Variants in ATP6AP2 observed in about 807,000 individuals in gnomAD.
ATP6AP2 encodes renin receptor.
ATP6AP2 carries 1 observed loss-of-function variant against 23.4 expected under a neutral mutation model. The observed-to-expected ratio is 0.04, with a 90% CI of 0.02 to 0.20. The LOEUF (loss-of-function observed/expected upper bound fraction) is 0.20, where lower values mean the gene tolerates loss of function less well. Among genes scored for constraint, ATP6AP2 ranks in the 10% least tolerant of loss-of-function variants. ATP6AP2 has a pLI of 1.00. For synonymous variants in ATP6AP2, 90 were observed against 97.1 expected, an observed-to-expected ratio of 0.93 and a Z score of 0.43; for missense variants, 174 against 271.3, an observed-to-expected ratio of 0.64 and a Z score of 2.52.
chrX:40,591,021 A>G (rs1362144735), intron 2 of ATP6AP2: 1 of 414,028 alleles, frequency 2.4e-6, no homozygotes, highest in African/African-American at 2.5e-5. Flanking sequence ...TTTATTTCAA[A>G]TCTGTAAAAT....
Position 40,581,154 on chromosome X carries a change from G to A in ATP6AP2, c.37+52G>A, listed in dbSNP as rs754617742. 18 of 1,075,233 alleles carry A rather than the reference G, an allele frequency of 1.7e-5. 1 individual carries two copies. The highest frequency in any genetic ancestry group is 3.6e-4 in the Middle Eastern group (1 of 2,785). The allele number at this position is 1,075,233 out of a possible 1,213,427, so 88.6% of individuals were successfully genotyped here. Reference sequence around the variant, plus strand: ...TGCCTGGGGAGGTCCTGCGCCGCGGGGCTTGGGGGTCGGGGGCGGCCGCGG... The same window carrying A: ...TGCCTGGGGAGGTCCTGCGCCGCGGAGCTTGGGGGTCGGGGGCGGCCGCGG... On this transcript the variant is annotated intron_variant, in intron 1 of 8. Coordinates refer to ENST00000636580, the MANE Select transcript of ATP6AP2 (RefSeq NM_005765.3).
At position 40,592,788 on chromosome X, in the gene ATP6AP2, C is replaced by T. The variant is rs1453466980; in HGVS notation, c.300+1423C>T. Among the ~76,000 whole-genome samples the T allele has an allele frequency of 2.8e-5, 3 of 106,883 alleles. No homozygotes were observed. In the Admixed American group the frequency reaches 3.0e-4, roughly 11 times the overall value. The allele number at this position is 106,883 out of a possible 115,157, so 92.8% of individuals were successfully genotyped here. ...TTTTTTTTTCAGACTTTCCTGTGGT[C>T]GAGTATAGATTATTTCCAAGTACAC... is the stretch of plus-strand genomic sequence containing the variant. On this transcript the variant is annotated intron_variant, in intron 3 of 8. Transcript: ENST00000636580.
chrX:40,600,928 T>TAAA, intron 8 of ATP6AP2, 47 bp downstream of exon 8: 1 of 1,026,923 alleles, frequency 9.7e-7, no homozygotes, highest in Non-Finnish European at 1.3e-6. Flanking sequence ...AATTAACTTC[T>TAAA]TATAAAAAAA....
rs1430988086 is a variant in ATP6AP2 at position 40,591,237 on chromosome X, C to T, written c.172C>T (p.Leu58Phe). Reference sequence around the variant, plus strand: ...CTTTGTGCTTTTCAATGTTTAGGACCTTTCTTGGCCAGGACTCGCAGTGGG... The same window carrying T: ...CTTTGTGCTTTTCAATGTTTAGGACTTTTCTTGGCCAGGACTCGCAGTGGG... ...LSMGFSVKEDLSWPGLAVGNL... is the reference protein window; with the variant it reads ...LSMGFSVKEDFSWPGLAVGNL... Residue 58 changes from leucine to phenylalanine, a missense_variant, in exon 3 of 9, where the codon CTT (leucine) becomes TTT (phenylalanine). By Grantham distance (22) the Leu-to-Phe change is conservative. Coordinates refer to ENST00000636580, the MANE Select transcript of ATP6AP2 (RefSeq NM_005765.3). 8.3e-7 allele frequency: 1 copy of T among 1,210,079 alleles called. No homozygotes were observed. The highest frequency in any genetic ancestry group is 1.1e-6 in the Non-Finnish European group (1 of 895,379).
Position 40,598,349 on chromosome X carries a change from G to A in ATP6AP2, c.535-332G>A, listed in dbSNP as rs1926825644. ...TATTCAAGGGAAGTGAGCAAACTGG[G>A]CCAATGGTAGGATGTCATTGCAGAG... is the stretch of plus-strand genomic sequence containing the variant. On this transcript the variant is annotated intron_variant, in intron 5 of 8. Transcript: ENST00000636580. 4 of 267,762 alleles carry A rather than the reference G, an allele frequency of 1.5e-5. No homozygotes were observed. The South Asian group carries it at 1.7e-4, about 11-fold the overall frequency. 22.1% of individuals were successfully genotyped at this position (267,762 alleles called of 1,213,427 possible).
In ATP6AP2 at chrX:40,591,325, C is replaced by T; in HGVS notation, c.260C>T (p.Ala87Val). 1 of 1,211,143 alleles carries T rather than the reference C, an allele frequency of 8.3e-7. No homozygotes were observed. Among genetic ancestry groups the T allele is most frequent in the Non-Finnish European group, 1.1e-6 (1 of 895,184 alleles). The change falls in exon 3 of 9, where the codon GCT becomes GTT. Residue 87 changes from alanine (A) to valine (V), a missense_variant. Physicochemically the swap from Ala to Val is moderately conservative, Grantham distance 64. Coordinates refer to ENST00000636580, the MANE Select transcript of ATP6AP2 (RefSeq NM_005765.3). The part of the protein sequence containing the change: ...MVMVKGVNKL[A>V]LPPGSVISYP... ...ATGGTGAAGGGAGTGAACAAACTGG[C>T]TCTACCCCCAGGCAGTGTCATTTCG...
In ATP6AP2 at chrX:40,591,257, A is replaced by T. The variant is rs372068947; in HGVS notation, c.192A>T (p.Ala64=). 2 of 1,208,847 alleles carry T rather than the reference A, an allele frequency of 1.7e-6. No individual in the cohort carries two copies. The highest frequency in any genetic ancestry group is 3.5e-5 in the African/African-American group (2 of 57,195). The change falls in exon 3 of 9, where the codon GCA becomes GCT. Residue 64 remains alanine, a synonymous_variant. Transcript: ENST00000636580. ...VKEDLSWPGL[A]VGNLFHRPRA... ...AGGACCTTTCTTGGCCAGGACTCGCAGTGGGTAACCTGTTTCATCGTCCTC... is the reference window on the plus strand; with the variant it reads ...AGGACCTTTCTTGGCCAGGACTCGCTGTGGGTAACCTGTTTCATCGTCCTC...
chrX:40,600,888 A>G lies in ATP6AP2; in HGVS notation c.858+7A>G. The stretch of plus-strand genomic sequence containing the variant: ...CCTTGAGGCAAAACAAGCGGTGAGT[A>G]TATTTTGAGATCCTGCTTTAAAACT... On this transcript the variant is annotated splice_region_variant and intron_variant, in intron 8 of 8. Transcript: ENST00000636580. 8.4e-7 allele frequency: 1 copy of G among 1,196,658 alleles called. No homozygotes were observed. Among genetic ancestry groups the G allele is most frequent in the South Asian group, 1.8e-5 (1 of 55,357 alleles).
intron 1 of ATP6AP2, among the ~76,000 whole-genome samples, chrX:40,581,885 C>G (rs1402931190): frequency 8.9e-6 from 1 of 111,941 alleles, no homozygotes; most frequent in Non-Finnish European, 1.9e-5. Context: ...CTTTGTTTTG[C>G]AGGGTGATCA....
At chrX:40,600,582 T>C (rs1926880100) in intron 7 of ATP6AP2, 180 bp from the exon 8 acceptor site, 1 of 398,002 alleles carries the variant, frequency 2.5e-6, no homozygotes, top group Non-Finnish European at 4.2e-6. Context: ...CTGCATAAAA[T>C]GATAAGTAGG....
intron 8 of ATP6AP2, 48 bp downstream of exon 8, chrX:40,600,929 T>C: frequency 1.0e-6 from 1 of 1,001,945 alleles, no homozygotes. Flanking sequence ...ATTAACTTCT[T>C]ATAAAAAAAA....
chrX:40,583,921 G>A (rs960388905), intron 1 of ATP6AP2, among the ~76,000 whole-genome samples: 2 of 111,446 alleles, frequency 1.8e-5, no homozygotes, highest in Non-Finnish European at 3.8e-5. Context: ...TGTTTTTGGT[G>A]TTTGCAGCCT....
At position 40,597,520 on chromosome X, in the gene ATP6AP2, C is replaced by T; in HGVS notation, c.397-7C>T. The T allele has an allele frequency of 8.3e-7, 1 of 1,209,724 alleles. No homozygotes were observed. Among genetic ancestry groups the T allele is most frequent in the Non-Finnish European group, 1.1e-6 (1 of 893,745 alleles). ...GAGCAACTTAAAATTTTCTATTCTT[C>T]TTACAGAGAGTGTATATGGTAGGGA... On this transcript the variant is annotated splice_polypyrimidine_tract_variant and splice_region_variant and intron_variant, in intron 4 of 8. Transcript: ENST00000636580.
intron 6 of ATP6AP2, 57 bp from the exon 7 acceptor site, chrX:40,599,535 T>C (rs1926851018): frequency 8.4e-7 from 1 of 1,191,503 alleles, no homozygotes; most frequent in South Asian, 1.8e-5. Context: ...TGGCTGTGTT[T>C]GACGTCTTTC....
intron 8 of ATP6AP2, among the ~76,000 whole-genome samples, chrX:40,603,703 C>T (rs913439434): frequency 5.4e-5 from 6 of 111,499 alleles, no homozygotes; most frequent in Admixed American, 3.8e-4. Context: ...CCAGCTGGCT[C>T]CTCCCAAATC....
intron 6 of ATP6AP2, chrX:40,598,992 T>C: frequency 2.6e-6 from 1 of 379,083 alleles, no homozygotes; most frequent in Non-Finnish European, 4.6e-6. Flanking sequence ...ACCCTGGCCA[T>C]AGTCCTAACT....
At chrX:40,586,035 G>C (rs1293547627) in intron 1 of ATP6AP2, among the ~76,000 whole-genome samples, 2 of 110,913 alleles carry the variant, frequency 1.8e-5, no homozygotes, top group Non-Finnish European at 3.8e-5. Flanking sequence ...TTTAGTTATA[G>C]AATGGGAGTG....
chrX:40,589,865 A>G (rs1047210511), intron 2 of ATP6AP2: 3 of 111,853 alleles, frequency 2.7e-5, no homozygotes, highest in African/African-American at 9.8e-5. Flanking sequence ...GTCTCTAGAT[A>G]TATATCATCA....
intron 7 of ATP6AP2, 178 bp from the exon 8 acceptor site, chrX:40,600,584 A>G (rs915127567): frequency 7.4e-6 from 3 of 402,800 alleles, no homozygotes; most frequent in African/African-American, 2.5e-5. Context: ...GCATAAAATG[A>G]TAAGTAGGAG....
Sources: allele counts gnomAD v4.1 joint callset (sites outside exome capture counted in the v4.1 genomes callset), GRCh38; gene constraint gnomAD v4.1.1; transcripts MANE v1.5; gene names NCBI Gene and HGNC (gene_info 2026-07-23, HGNC 2026-07-21).